Variants in IGSF11 observed in about 807,000 individuals in gnomAD.
IGSF11 encodes immunoglobulin superfamily member 11, also known as CXADR like 1.
IGSF11 carries 22 observed loss-of-function variants against 41.0 expected under a neutral mutation model. The observed-to-expected ratio is 0.54, with a 90% CI of 0.38 to 0.77. The LOEUF (loss-of-function observed/expected upper bound fraction) is 0.77. Ranked by LOEUF, IGSF11 falls within the 30% of genes least tolerant of loss-of-function variation. The pLI is 0.00. For synonymous variants in IGSF11, 219 were observed against 201.3 expected (o/e 1.09, Z -0.74); for missense variants, 444 against 530.8 (o/e 0.84, Z 1.61).
chr3:119,079,356 G>A (rs115665067), intron 1 of IGSF11, among the ~76,000 whole-genome samples: 2,434 of 150,142 alleles, frequency 0.016, 77 homozygotes, highest in African/African-American at 0.057. Context: ...GTGAAACTCC[G>A]TCTCAAAAAA....
intron 1 of IGSF11, among the ~76,000 whole-genome samples, chr3:119,091,943 T>C (rs924380413): frequency 1.3e-5 from 2 of 150,884 alleles, no homozygotes; most frequent in African/African-American, 4.9e-5. Flanking sequence ...AAGAAAATGT[T>C]TTTGTATAAC....
upstream of IGSF11, among the ~76,000 whole-genome samples, chr3:119,039,089 G>A (rs1941018121): frequency 6.6e-6 from 1 of 152,164 alleles, no homozygotes; most frequent in Non-Finnish European, 1.5e-5. Flanking sequence ...ACCTTCCAAT[G>A]GCTTCCTGTA....
intron 1 of IGSF11, among the ~76,000 whole-genome samples, chr3:118,989,748 T>C (rs1033864633): frequency 1.3e-5 from 2 of 152,252 alleles, no homozygotes; most frequent in Admixed American, 1.3e-4. Flanking sequence ...ATTTTTCTAG[T>C]ATTTCATTTT....
rs574588097 is a variant in IGSF11 at position 118,907,387 on chromosome 3, C to A, written c.581-1669G>T. Among the ~76,000 whole-genome samples, 29 of 152,180 alleles carry A rather than the reference C, an allele frequency of 1.9e-4. No homozygotes were observed. In the South Asian group the frequency reaches 5.0e-3, roughly 26 times the overall value. On this transcript the variant is annotated intron_variant, in intron 4 of 6. Coordinates refer to ENST00000393775, the MANE Select transcript of IGSF11 (RefSeq NM_001015887.3). ...GAACAAGACAGGCCCAGTCCCTTAC[C>A]CTAATGAGACAAGTATACACACAAT...
At chr3:119,021,128 C>G (rs1377270670) in intron 1 of IGSF11, among the ~76,000 whole-genome samples, 1 of 152,192 alleles carries the variant, frequency 6.6e-6, no homozygotes, top group African/African-American at 2.4e-5. Flanking sequence ...CAAAAACCAT[C>G]TTTTGGCCAC....
chr3:118,926,354 A>G (rs16829163), intron 3 of IGSF11, 98 bp from the exon 4 acceptor site: 7 of 1,005,680 alleles, frequency 7.0e-6, no homozygotes, highest in Non-Finnish European at 9.8e-6. Context: ...CCCTTAGATT[A>G]CACTGTTTTG....
At chr3:118,922,618 C>T (rs567436881) in intron 4 of IGSF11, among the ~76,000 whole-genome samples, 1 of 152,190 alleles carries the variant, frequency 6.6e-6, no homozygotes, top group Admixed American at 6.5e-5. Flanking sequence ...CCATTTTATT[C>T]TCTGTTTCTA....
chr3:119,071,146 C>A (rs547197892), intron 1 of IGSF11, among the ~76,000 whole-genome samples: 33 of 152,224 alleles, frequency 2.2e-4, no homozygotes, highest in Middle Eastern at 3.4e-3. Context: ...TATGAAACAA[C>A]TGGAAAACAT....
At position 118,905,699 on chromosome 3, in the gene IGSF11, G is replaced by A. The variant is rs772130725; in HGVS notation, c.600C>T (p.Val200=). 9 of 1,613,696 alleles carry A rather than the reference G, an allele frequency of 5.6e-6. No individual in the cohort carries two copies. In the South Asian group the frequency reaches 9.9e-5, roughly 18 times the overall value. The change falls in exon 5 of 7, where the codon GTC becomes GTT. Residue 200 remains valine (V), a synonymous_variant. Coordinates refer to ENST00000393775, the MANE Select transcript of IGSF11 (RefSeq NM_001015887.3). ...TATQDQVQGT[V]TIRNISALSS... The stretch of plus-strand genomic sequence containing the variant: ...ACAGGGCACTGATGTTCCGGATGGT[G>A]ACTGTTCCCTGGACCTGGTCTGTCA...
At chr3:118,923,386 A>T (rs1401644767) in intron 4 of IGSF11, among the ~76,000 whole-genome samples, 2 of 152,214 alleles carry the variant, frequency 1.3e-5, no homozygotes, top group African/African-American at 4.8e-5. Flanking sequence ...ACTTTAGTGA[A>T]TACTTCCTAA....
chr3:118,925,319 G>GGCCTCTCCATTA (rs1389517631), intron 4 of IGSF11, among the ~76,000 whole-genome samples: 2 of 152,036 alleles, frequency 1.3e-5, no homozygotes, highest in Non-Finnish European at 2.9e-5. Flanking sequence ...GGTTGTTTGT[G>GGCCTCTCCATTA]GCCTCTCCAT....
In IGSF11 at chr3:118,997,420, C is replaced by G. The variant is rs189962850; in HGVS notation, c.52+37111G>C. Among the ~76,000 whole-genome samples, 12 of 152,280 alleles carry G rather than the reference C, an allele frequency of 7.9e-5. No homozygotes were observed. The East Asian group carries it at 2.3e-3, about 29-fold the overall frequency. Reference sequence around the variant, plus strand: ...TCAGCATTTCAAGGACCACAGAAACCAGTGACCTAGCACTAGATTTGTGGT... The same window carrying G: ...TCAGCATTTCAAGGACCACAGAAACGAGTGACCTAGCACTAGATTTGTGGT... On this transcript the variant is annotated intron_variant, in intron 1 of 6. Transcript: ENST00000393775.
intron 4 of IGSF11, among the ~76,000 whole-genome samples, chr3:118,920,139 T>C (rs1490044412): frequency 5.1e-5 from 7 of 138,488 alleles, no homozygotes; most frequent in East Asian, 4.6e-4. Context: ...AGGGATAGCA[T>C]TGGGAGATAT....
intron 1 of IGSF11, among the ~76,000 whole-genome samples, chr3:118,939,209 G>A (rs184944535): frequency 1.3e-5 from 2 of 152,064 alleles, no homozygotes; most frequent in East Asian, 3.9e-4. Context: ...AATAATTAAA[G>A]TTATACAAAG....
intron 1 of IGSF11, among the ~76,000 whole-genome samples, chr3:119,009,521 T>G (rs922985380): frequency 3.3e-5 from 5 of 152,172 alleles, no homozygotes; most frequent in Non-Finnish European, 5.9e-5. Flanking sequence ...CTCCTGCTGC[T>G]TTGTGAAGAA....
intron 4 of IGSF11, among the ~76,000 whole-genome samples, chr3:118,909,008 AAAGGTTAGTATAGTATATGGT>A (rs1939947771): frequency 6.6e-6 from 1 of 152,236 alleles, no homozygotes; most frequent in South Asian, 2.1e-4. Flanking sequence ...GGACTAAATG[AAAGGTTAGTATAGTATATGGT>A]AATGTTTCCA....
rs1944887756 is a variant in IGSF11 at position 118,955,403 on chromosome 3, T to TGG, written c.53-25130_53-25129dup. Among the ~76,000 whole-genome samples, 3 of 152,168 alleles carry TGG rather than the reference T, an allele frequency of 2.0e-5. No homozygotes were observed. In the South Asian group the frequency reaches 6.2e-4, roughly 32 times the overall value. ...AATATCATGTGTTCTTACTCACAGG[T>TGG]GGGAGCTAAGCTGTGAGGGTTATCA... On this transcript the variant is annotated intron_variant, in intron 1 of 6. Transcript: ENST00000393775.
intron 1 of IGSF11, among the ~76,000 whole-genome samples, chr3:118,997,298 T>C (rs1936368182): frequency 6.6e-6 from 1 of 152,214 alleles, no homozygotes; most frequent in African/African-American, 2.4e-5. Flanking sequence ...TAGATAATCA[T>C]AAACTAAGTT....
At chr3:119,118,602 T>G (rs2077291591) in intron 1 of IGSF11, among the ~76,000 whole-genome samples, 1 of 152,260 alleles carries the variant, frequency 6.6e-6, no homozygotes. Flanking sequence ...CTTTCCCCAT[T>G]GTCTTAATGA....
Sources: gnomAD v4.1 joint callset for allele counts (sites outside exome capture counted in the v4.1 genomes callset) on GRCh38, gnomAD v4.1.1 for gene constraint, MANE v1.5 for transcripts, NCBI Gene and HGNC (gene_info 2026-07-23, HGNC 2026-07-21) for gene names.